The following CHD6 variants were observed in gnomAD, a reference collection of about 807,000 sequenced individuals.
CHD6 encodes the protein ATP-dependent chromatin remodeler CHD6.
In CHD6, 50 loss-of-function variants were observed where a neutral mutation model predicts 276.9. The ratio of observed to expected loss-of-function variants is 0.18; its 90% CI spans 0.14 to 0.23. The LOEUF (loss-of-function observed/expected upper bound fraction) is 0.23, where lower values mean the gene tolerates loss of function less well. CHD6 is among the 10% of genes least tolerant of loss of function. The pLI is 1.00. For missense variants in CHD6, 2,564 were observed against 3,365.8 expected (o/e 0.76, Z 5.89); for synonymous variants, 1,173 against 1,229.3 (o/e 0.95, Z 0.96).
rs2043365160 is a variant in CHD6, at chr20:41,484,433, C to T, written c.2176G>A (p.Ala726Thr). The change falls in exon 15 of 37, where the codon GCA becomes ACA. Residue 726 changes from alanine (A) to threonine (T), a missense_variant. Coordinates refer to ENST00000373233, the MANE Select transcript of CHD6 (RefSeq NM_032221.5). ...AGATTGGGCATGTTGTGCTGATTTG[C>T]CCCCTTGGTCAGGAAGGAAAAGTTC... The part of the protein sequence containing the change: ...EKNFSFLTKG[A>T]NQHNMPNLIN... 1.2e-6 allele frequency: 2 copies of T among 1,613,848 alleles called. No individual in the cohort carries two copies. Among genetic ancestry groups the T allele is most frequent in the Non-Finnish European group, 1.7e-6 (2 of 1,179,818 alleles).
chr20:41,556,423 G>A (rs1037061216), intron 1 of CHD6, among the ~76,000 whole-genome samples: 8 of 149,564 alleles, frequency 5.3e-5, no homozygotes, highest in Admixed American at 2.0e-4. Flanking sequence ...CTAGATCTAT[G>A]AACGTTTTCA....
At chr20:41,546,088 G>A (rs1253322426) in intron 2 of CHD6, among the ~76,000 whole-genome samples, 2 of 152,098 alleles carry the variant, frequency 1.3e-5, no homozygotes, top group African/African-American at 2.4e-5. Context: ...AGTTACTACT[G>A]AACCTGACCC....
At chr20:41,445,860 C>A in intron 24 of CHD6, 92 bp from the exon 25 acceptor site, 1 of 727,920 alleles carries the variant, frequency 1.4e-6, no homozygotes, top group Non-Finnish European at 2.4e-6. Flanking sequence ...TGCTGAGATG[C>A]TAAAGTAACA....
intron 17 of CHD6, among the ~76,000 whole-genome samples, chr20:41,464,236 T>C (rs1282805706): frequency 6.6e-6 from 1 of 152,220 alleles, no homozygotes. Context: ...TGTTTCATTT[T>C]GCTTTTGAGT....
intron 2 of CHD6, among the ~76,000 whole-genome samples, chr20:41,533,963 G>A (rs780943909): frequency 3.3e-5 from 5 of 152,220 alleles, no homozygotes; most frequent in Admixed American, 2.0e-4. Context: ...GAAAGGATGT[G>A]TCACAGGTGC....
chr20:41,555,934 C>G lies in CHD6; in HGVS notation c.-23-4574G>C, dbSNP rs552563466. Among the ~76,000 whole-genome samples, 50 of 152,330 alleles carry G rather than the reference C, an allele frequency of 3.3e-4. No homozygotes were observed. The East Asian group carries it at 9.6e-3, about 29-fold the overall frequency. On this transcript the variant is annotated intron_variant, in intron 1 of 36. Transcript: ENST00000373233. ...GGTGGAGGTTGTAGCGAGCCGAGAT[C>G]ACGCCACTGCACTCCAGCCTGGGCA...
At position 41,415,582 on chromosome 20, in the gene CHD6, A is replaced by G. The variant is rs995527195; in HGVS notation, c.6543T>C (p.Tyr2181=). ...TTGCATCCCTCTCCACCTCAAACTC[A>G]TAGGGACGCCTGTGCTTTTGTTCAT... The part of the protein sequence containing the change: ...TKDEQKHRRP[Y]EFEVERDAKA... Residue 2181 remains tyrosine (Y), a synonymous_variant, in exon 34 of 37, where the codon TAT becomes TAC. Coordinates refer to ENST00000373233, the MANE Select transcript of CHD6 (RefSeq NM_032221.5). 6 of 1,612,846 alleles carry G rather than the reference A, an allele frequency of 3.7e-6. No individual in the cohort carries two copies. The highest frequency in any genetic ancestry group is 5.1e-6 in the Non-Finnish European group (6 of 1,179,674).
intron 23 of CHD6, among the ~76,000 whole-genome samples, chr20:41,450,607 G>A (rs2048207124): frequency 6.6e-6 from 1 of 152,148 alleles, no homozygotes; most frequent in Admixed American, 6.5e-5. Flanking sequence ...GAGTGGCAGC[G>A]ACCAAGGCCA....
chr20:41,472,934 C>T (rs973273088), intron 17 of CHD6: 7 of 167,466 alleles, frequency 4.2e-5, no homozygotes, highest in East Asian at 3.3e-4. Flanking sequence ...TGGGTTAACT[C>T]GTTTACTGTA....
At chr20:41,570,774 G>A (rs1236491207) in intron 1 of CHD6, among the ~76,000 whole-genome samples, 3 of 152,204 alleles carry the variant, frequency 2.0e-5, no homozygotes, top group Admixed American at 1.3e-4. Context: ...TTTAACAACT[G>A]AGCTTTAAGC....
intron 8 of CHD6, among the ~76,000 whole-genome samples, chr20:41,494,545 A>G (rs1443543992): frequency 2.6e-5 from 4 of 152,240 alleles, no homozygotes; most frequent in African/African-American, 9.6e-5. Flanking sequence ...TTAAGCTCCA[A>G]AACTACCTTA....
intron 34 of CHD6, 161 bp from the exon 35 acceptor site, chr20:41,413,676 C>T (rs763389233): frequency 2.2e-5 from 12 of 540,706 alleles, no homozygotes; most frequent in Admixed American, 7.5e-5. Context: ...CACCACTGAC[C>T]CACGCCCACA....
At position 41,423,681 on chromosome 20, in the gene CHD6, C is replaced by T. The variant is rs2047269128; in HGVS notation, c.4366G>A (p.Ala1456Thr). Residue 1456 changes from alanine (A) to threonine (T), a missense_variant, in exon 30 of 37, where the codon GCA (alanine) becomes ACA (threonine). By Grantham distance (58) the Ala-to-Thr change is moderately conservative (BLOSUM62 0). This residue lies in a region of CHD6 where 515 missense variants were observed against 739.5 expected (regional missense o/e 0.70). Coordinates refer to ENST00000373233, the MANE Select transcript of CHD6 (RefSeq NM_032221.5). ...GAAGACACTGTTCTATAGAAGTCTG[C>T]TTGTTCTCTCCTAGTCCACCTTGAG... is the stretch of plus-strand genomic sequence containing the variant. The part of the protein sequence containing the change: ...AQKRWTRREQ[A>T]DFYRTVSSFG... The T allele has an allele frequency of 1.2e-6, 2 of 1,614,130 alleles. No individual in the cohort carries two copies. The highest frequency in any genetic ancestry group is 1.1e-5 in the South Asian group (1 of 91,086).
chr20:41,581,843 G>A (rs2045543768), intron 1 of CHD6, among the ~76,000 whole-genome samples: 1 of 152,166 alleles, frequency 6.6e-6, no homozygotes, highest in African/African-American at 2.4e-5. Flanking sequence ...GTAGTAAAGG[G>A]AATACTGGAG....
chr20:41,610,316 C>T (rs139999874), intron 1 of CHD6, among the ~76,000 whole-genome samples: 339 of 152,072 alleles, frequency 2.2e-3, no homozygotes, highest in African/African-American at 7.3e-3. Flanking sequence ...GGAGAGGAGA[C>T]GGAGAATATG....
intron 17 of CHD6, among the ~76,000 whole-genome samples, chr20:41,467,494 CTTT>C (rs1279033797): frequency 8.3e-6 from 1 of 121,032 alleles, no homozygotes; most frequent in Non-Finnish European, 1.7e-5. Flanking sequence ...ACAATTTCTT[CTTT>C]ATTTTTTAAT....
chr20:41,529,193 T>A (rs1038644786), intron 3 of CHD6, among the ~76,000 whole-genome samples: 1 of 152,240 alleles, frequency 6.6e-6, no homozygotes, highest in Non-Finnish European at 1.5e-5. Flanking sequence ...TATTACCTAC[T>A]GTTATATAAC....
At chr20:41,481,649 G>C (rs1297772987) in intron 16 of CHD6, among the ~76,000 whole-genome samples, 1 of 152,030 alleles carries the variant, frequency 6.6e-6, no homozygotes, top group Non-Finnish European at 1.5e-5. Flanking sequence ...TGGAAATACT[G>C]AGTGTATCAA....
chr20:41,587,556 G>C lies in CHD6; in HGVS notation c.-24+30784C>G, dbSNP rs568081749. 9.9e-5 allele frequency among the ~76,000 whole-genome samples: 15 copies of C among 152,116 alleles called. No individual in the cohort carries two copies. The East Asian group carries it at 2.5e-3, about 25-fold the overall frequency. ...CATAAGGTTAGTATCTTGGAACTAG[G>C]AAACAAAAAAATGGTATGCAGCCTC... On this transcript the variant is annotated intron_variant, in intron 1 of 36. Coordinates refer to ENST00000373233, the MANE Select transcript of CHD6 (RefSeq NM_032221.5).
Sources: allele counts gnomAD v4.1 joint callset (sites outside exome capture counted in the v4.1 genomes callset), GRCh38; gene constraint gnomAD v4.1.1; regional missense constraint gnomAD v4.1.1; transcripts MANE v1.5; gene names NCBI Gene and HGNC (gene_info 2026-07-23, HGNC 2026-07-21).